Variants in MACROD2 observed in about 807,000 individuals in gnomAD.
MACROD2 encodes ADP-ribose glycohydrolase MACROD2.
A neutral mutation model predicts 70.4 loss-of-function variants in MACROD2; 36 were observed. That is an observed-to-expected ratio of 0.51 (90% CI 0.39 to 0.68). The LOEUF (loss-of-function observed/expected upper bound fraction) is 0.68. MACROD2 is among the 30% of genes least tolerant of loss of function. The probability of loss-of-function intolerance (pLI) is 0.00; values close to 1 mark genes in which losing one functional copy is unlikely to be tolerated. For missense variants in MACROD2, 496 were observed against 538.4 expected (o/e 0.92, Z 0.78); for synonymous variants, 172 against 178.8 (o/e 0.96, Z 0.30).
chr20:15,080,522 C>G (rs1322109334), intron 5 of MACROD2, among the ~76,000 whole-genome samples: 1 of 152,078 alleles, frequency 6.6e-6, no homozygotes, highest in African/African-American at 2.4e-5. Context: ...TTTTCTGGTT[C>G]CTTTTGAACA....
chr20:14,871,777 A>G (rs968975375), intron 5 of MACROD2, among the ~76,000 whole-genome samples: 2 of 152,182 alleles, frequency 1.3e-5, no homozygotes, highest in Admixed American at 6.6e-5. Context: ...CAAGAGACCC[A>G]TCTCACATGC....
chr20:15,431,549 G>A (rs1041625674), intron 7 of MACROD2, 114 bp downstream of exon 7: 3 of 950,360 alleles, frequency 3.2e-6, no homozygotes, highest in Admixed American at 2.0e-5. Flanking sequence ...GTGATTTAGA[G>A]ACTAAAAATG....
intron 8 of MACROD2, among the ~76,000 whole-genome samples, chr20:15,612,448 C>T (rs2048982866): frequency 6.6e-6 from 1 of 152,208 alleles, no homozygotes; most frequent in Admixed American, 6.5e-5. Flanking sequence ...TTAAGGCCTG[C>T]AAAATCATGG....
At chr20:15,287,111 A>G (rs2077499369) in intron 6 of MACROD2, among the ~76,000 whole-genome samples, 1 of 152,176 alleles carries the variant, frequency 6.6e-6, no homozygotes, top group Non-Finnish European at 1.5e-5. Flanking sequence ...AGGGAGGGTT[A>G]TTTTCCATAA....
intron 5 of MACROD2, among the ~76,000 whole-genome samples, chr20:14,902,710 A>G (rs955756933): frequency 4.6e-5 from 7 of 152,124 alleles, no homozygotes; most frequent in Non-Finnish European, 7.4e-5. Context: ...TGTTGAGGCC[A>G]TAGTAGTGAC....
intron 5 of MACROD2, among the ~76,000 whole-genome samples, chr20:14,811,409 C>T (rs931896048): frequency 6.6e-6 from 1 of 152,060 alleles, no homozygotes; most frequent in African/African-American, 2.4e-5. Flanking sequence ...AACTGGACCC[C>T]TTCCTTACAC....
At chr20:15,279,874 G>A (rs1238489639) in intron 6 of MACROD2, among the ~76,000 whole-genome samples, 1 of 151,976 alleles carries the variant, frequency 6.6e-6, no homozygotes, top group Admixed American at 6.6e-5. Context: ...ATCAACATGA[G>A]GATAATAAAA....
chr20:15,085,873 A>ACACAC (rs35503821), intron 5 of MACROD2, among the ~76,000 whole-genome samples: 56 of 144,384 alleles, frequency 3.9e-4, no homozygotes, highest in African/African-American at 1.4e-3. Flanking sequence ...ACACACACAC[A>ACACAC]ACACACACAC....
chr20:15,021,143 T>C lies in MACROD2; in HGVS notation c.419-208797T>C, dbSNP rs144523180. On this transcript the variant is annotated intron_variant, in intron 5 of 17. Coordinates refer to ENST00000684519, the MANE Select transcript of MACROD2 (RefSeq NM_001351661.2). Reference sequence around the variant, plus strand: ...ACACGTGTGTATACACATACGTGTGTGTATACACACACCTGTGTGTATGTA... The same window carrying C: ...ACACGTGTGTATACACATACGTGTGCGTATACACACACCTGTGTGTATGTA... Among the ~76,000 whole-genome samples, 821 of 114,576 alleles carry C rather than the reference T, an allele frequency of 7.2e-3. 35 individuals are homozygous for C. Among genetic ancestry groups the C allele is most frequent in the Admixed American group, 0.011 (131 of 12,152 alleles). 75.2% of individuals were successfully genotyped at this position (114,576 alleles called of 152,430 possible). A position where few individuals can be genotyped will look rare whatever the true frequency, so the allele number is the denominator to read the frequency against.
At chr20:14,947,681 A>G (rs1320499043) in intron 5 of MACROD2, among the ~76,000 whole-genome samples, 1 of 152,088 alleles carries the variant, frequency 6.6e-6, no homozygotes, top group Non-Finnish European at 1.5e-5. Flanking sequence ...TGGATTTTGC[A>G]TTTCTAGCAA....
At chr20:15,728,398 G>T (rs1048673114) in intron 8 of MACROD2, among the ~76,000 whole-genome samples, 1 of 152,128 alleles carries the variant, frequency 6.6e-6, no homozygotes, top group Non-Finnish European at 1.5e-5. Flanking sequence ...TTTGGTATCA[G>T]GATAATGCTG....
At chr20:15,590,018 T>C (rs961539865) in intron 8 of MACROD2, among the ~76,000 whole-genome samples, 2 of 152,174 alleles carry the variant, frequency 1.3e-5, no homozygotes, top group African/African-American at 4.8e-5. Context: ...AATTATTTAA[T>C]CACTGTGATA....
intron 17 of MACROD2, among the ~76,000 whole-genome samples, chr20:16,047,685 C>G: frequency 6.9e-6 from 1 of 144,328 alleles, no homozygotes; most frequent in African/African-American, 2.6e-5. Flanking sequence ...AGGTACCACC[C>G]TCAAGCAGAT....
At chr20:15,384,585 C>A (rs1568766153) in intron 6 of MACROD2, among the ~76,000 whole-genome samples, 2 of 152,162 alleles carry the variant, frequency 1.3e-5, no homozygotes, top group Non-Finnish European at 2.9e-5. Flanking sequence ...GGCACTAATT[C>A]TTTGCCCATT....
At chr20:15,102,402 A>C (rs1185208050) in intron 5 of MACROD2, among the ~76,000 whole-genome samples, 1 of 151,998 alleles carries the variant, frequency 6.6e-6, no homozygotes, top group Non-Finnish European at 1.5e-5. Flanking sequence ...AAATTTGAAG[A>C]CACACAAATC....
chr20:14,537,621 G>T (rs550678943), intron 4 of MACROD2, among the ~76,000 whole-genome samples: 1 of 152,162 alleles, frequency 6.6e-6, no homozygotes, highest in Non-Finnish European at 1.5e-5. Context: ...CTAAGAGGAC[G>T]TGAAGCAGGG....
At chr20:15,656,911 A>G (rs2049739677) in intron 8 of MACROD2, among the ~76,000 whole-genome samples, 1 of 152,170 alleles carries the variant, frequency 6.6e-6, no homozygotes, top group Admixed American at 6.5e-5. Context: ...AGAAGGAATA[A>G]TTTATTAAAA....
rs565937327 is a variant in MACROD2, at chr20:15,805,949, G to T, written c.646-56796G>T. Among the ~76,000 whole-genome samples the T allele has an allele frequency of 6.6e-5, 10 of 152,252 alleles. No individual in the cohort carries two copies. In the South Asian group the frequency reaches 2.1e-3, roughly 32 times the overall value. On this transcript the variant is annotated intron_variant, in intron 8 of 17. Coordinates refer to ENST00000684519, the MANE Select transcript of MACROD2 (RefSeq NM_001351661.2). ...GATCTATGTCTAATTTGTAGCCTCT[G>T]CTTACAGGGTAATATTTATTGGTCT...
At chr20:15,028,947 C>T (rs1416882233) in intron 5 of MACROD2, among the ~76,000 whole-genome samples, 1 of 151,754 alleles carries the variant, frequency 6.6e-6, no homozygotes, top group African/African-American at 2.4e-5. Flanking sequence ...CCTTAGGGAG[C>T]TACGGATGTC....
Sources: allele counts gnomAD v4.1 joint callset (sites outside exome capture counted in the v4.1 genomes callset), GRCh38; gene constraint gnomAD v4.1.1; transcripts MANE v1.5; gene names NCBI Gene and HGNC (gene_info 2026-07-23, HGNC 2026-07-21).